DPH6: variants seen among roughly 807,000 people sequenced by gnomAD.
The protein encoded by DPH6 is diphthamine biosynthesis 6.
A neutral mutation model predicts 38.2 loss-of-function variants in DPH6; 33 were observed. That is an observed-to-expected ratio of 0.86 (90% CI 0.65 to 1.15). DPH6 has a LOEUF of 1.15. Ranked by LOEUF, DPH6 falls within the 50% of genes most tolerant of loss-of-function variation. DPH6 has a pLI of 0.00. For missense variants in DPH6, 325 were observed against 320.0 expected, an observed-to-expected ratio of 1.02 and a Z score of -0.12; for synonymous variants, 108 against 103.0, an observed-to-expected ratio of 1.05 and a Z score of -0.30.
At chr15:35,236,284 A>G (rs1355839202) in intron 3 of DPH6, among the ~76,000 whole-genome samples, 1 of 152,232 alleles carries the variant, frequency 6.6e-6, no homozygotes, top group East Asian at 1.9e-4. Context: ...TTAAAAAGTA[A>G]CAAGTATAGG....
At chr15:35,315,686 G>A (rs2052182664) in intron 3 of DPH6, among the ~76,000 whole-genome samples, 1 of 152,134 alleles carries the variant, frequency 6.6e-6, no homozygotes, top group Non-Finnish European at 1.5e-5. Context: ...TTCCACTACT[G>A]GGTATATATC....
chr15:35,337,713 T>C (rs181860769), intron 3 of DPH6, among the ~76,000 whole-genome samples: 1 of 152,068 alleles, frequency 6.6e-6, no homozygotes, highest in Non-Finnish European at 1.5e-5. Flanking sequence ...AAAAAGAGCC[T>C]GCATCGCCAA....
intron 3 of DPH6, among the ~76,000 whole-genome samples, chr15:35,503,517 TGTAA>T (rs2141201127): frequency 6.6e-6 from 1 of 152,252 alleles, no homozygotes; most frequent in Admixed American, 6.5e-5. Flanking sequence ...AAACAGCAGC[TGTAA>T]GATTAACAGT....
chr15:35,471,324 A>G (rs1477169617), intron 3 of DPH6, among the ~76,000 whole-genome samples: 2 of 152,134 alleles, frequency 1.3e-5, no homozygotes, highest in Non-Finnish European at 2.9e-5. Context: ...CAGATTCCCC[A>G]AATCCTGTCA....
At position 35,317,375 on chromosome 15, in the gene DPH6, G is replaced by C. The variant is rs191663161; in HGVS notation, n.200+56146C>G. On this transcript the variant is annotated intron_variant and non_coding_transcript_variant, in intron 3 of 3. Transcript: ENST00000560386. ...GAAAGAGAGAAAGAAAGAAAGAAAAGGAAAGAAAAAGAAAGAAAAGGAAAG... is the reference window on the plus strand; with the variant it reads ...GAAAGAGAGAAAGAAAGAAAGAAAACGAAAGAAAAAGAAAGAAAAGGAAAG... Among the ~76,000 whole-genome samples, 76 of 134,328 alleles carry C rather than the reference G, an allele frequency of 5.7e-4. No homozygotes were observed. In the East Asian group the frequency reaches 0.016, roughly 28 times the overall value. The allele number at this position is 134,328 out of a possible 152,430, so 88.1% of individuals were successfully genotyped here. A position where few individuals can be genotyped will look rare whatever the true frequency, so the allele number is the denominator to read the frequency against.
chr15:35,402,665 T>C (rs1340119157), intron 6 of DPH6, among the ~76,000 whole-genome samples: 3 of 152,130 alleles, frequency 2.0e-5, no homozygotes, highest in Non-Finnish European at 2.9e-5. Context: ...TATAAGATTA[T>C]AATTTAAAAA....
intron 5 of DPH6, among the ~76,000 whole-genome samples, chr15:35,446,028 G>T (rs1459311002): frequency 6.6e-6 from 1 of 152,114 alleles, no homozygotes; most frequent in Admixed American, 6.5e-5. Context: ...ACTGCCACTA[G>T]TGATGCTGGA....
intron 3 of DPH6, among the ~76,000 whole-genome samples, chr15:35,506,418 C>A (rs539477560): frequency 6.6e-6 from 1 of 152,212 alleles, no homozygotes; most frequent in South Asian, 2.1e-4. Flanking sequence ...TTTAAGTCAA[C>A]TGTAAAGATT....
In DPH6 at chr15:35,375,821, T is replaced by G. The variant is rs192221259; in HGVS notation, c.663-2213A>C. On this transcript the variant is annotated intron_variant, in intron 7 of 8. Coordinates refer to ENST00000256538, the MANE Select transcript of DPH6 (RefSeq NM_080650.4). ...TTGGGGTCAGGCTCTACCTCTCACC[T>G]CAAAAAAAAAAATGGTATTCCCTCT... Among the ~76,000 whole-genome samples, 200 of 150,696 alleles carry G rather than the reference T, an allele frequency of 1.3e-3. 1 individual carries two copies. Among genetic ancestry groups the G allele is most frequent in the African/African-American group, 4.7e-3 (192 of 41,098 alleles).
At chr15:35,385,006 CAT>C (rs1481496407) in intron 6 of DPH6, among the ~76,000 whole-genome samples, 2 of 152,106 alleles carry the variant, frequency 1.3e-5, no homozygotes, top group African/African-American at 2.4e-5. Context: ...GGCCAACAAA[CAT>C]ATGAAAAAAA....
At chr15:35,289,580 G>C (rs996127224) in intron 3 of DPH6, among the ~76,000 whole-genome samples, 1 of 152,210 alleles carries the variant, frequency 6.6e-6, no homozygotes, top group African/African-American at 2.4e-5. Context: ...TCAGAGATGT[G>C]ATTGTAAAAA....
intron 3 of DPH6, among the ~76,000 whole-genome samples, chr15:35,243,502 G>A (rs1372943381): frequency 2.1e-5 from 3 of 144,190 alleles, no homozygotes; most frequent in African/African-American, 7.5e-5. Flanking sequence ...CAAAAGAAGT[G>A]AAAAGGTCCT....
chr15:35,250,588 T>C (rs1566850306), intron 3 of DPH6, among the ~76,000 whole-genome samples: 1 of 152,204 alleles, frequency 6.6e-6, no homozygotes, highest in Non-Finnish European at 1.5e-5. Flanking sequence ...TGAATTTCTA[T>C]TATCAGAATA....
At chr15:35,526,709 T>C (rs2055008733) in intron 3 of DPH6, among the ~76,000 whole-genome samples, 1 of 152,184 alleles carries the variant, frequency 6.6e-6, no homozygotes, top group Non-Finnish European at 1.5e-5. Flanking sequence ...TGAGGCTTTC[T>C]ACAAATGAGT....
At chr15:35,303,525 T>C (rs2052068067) in intron 3 of DPH6, among the ~76,000 whole-genome samples, 1 of 151,834 alleles carries the variant, frequency 6.6e-6, no homozygotes, top group Non-Finnish European at 1.5e-5. Context: ...TATGAGGTAA[T>C]AGAACAGATT....
At chr15:35,166,129 G>A in the DPH6 span, among the ~76,000 whole-genome samples, 1 of 151,788 alleles carries the variant, frequency 6.6e-6, no homozygotes, top group South Asian at 2.1e-4. Flanking sequence ...AGTTCTCCCT[G>A]GCCTTTTCTG....
At chr15:35,415,360 C>T (rs778487780) in intron 5 of DPH6, among the ~76,000 whole-genome samples, 9 of 151,812 alleles carry the variant, frequency 5.9e-5, no homozygotes, top group African/African-American at 1.2e-4. Context: ...ATTCTATGTA[C>T]GAGTCTGGAA....
intron 6 of DPH6, among the ~76,000 whole-genome samples, chr15:35,402,363 G>A (rs142936158): frequency 3.5e-4 from 54 of 152,178 alleles, no homozygotes; most frequent in African/African-American, 1.3e-3. Flanking sequence ...ATGATTGTTG[G>A]CACATCCTAT....
intron 3 of DPH6, among the ~76,000 whole-genome samples, chr15:35,456,533 G>T (rs2053999730): frequency 6.6e-6 from 1 of 150,754 alleles, no homozygotes; most frequent in Non-Finnish European, 1.5e-5. Flanking sequence ...TGCCACCCAG[G>T]CTGGAGTGCA....
Sources: allele counts gnomAD v4.1 joint callset (sites outside exome capture counted in the v4.1 genomes callset), GRCh38; gene constraint gnomAD v4.1.1; transcripts MANE v1.5; gene names NCBI Gene and HGNC (gene_info 2026-07-23, HGNC 2026-07-21).